The following PTPRT variants were observed in gnomAD, a reference collection of about 807,000 sequenced individuals.
PTPRT encodes receptor-type tyrosine-protein phosphatase T.
Under a neutral mutation model 176.8 loss-of-function variants are expected in PTPRT, and 56 were observed. The ratio of observed to expected loss-of-function variants is 0.32; its 90% CI spans 0.26 to 0.40. The LOEUF (loss-of-function observed/expected upper bound fraction) is 0.40, where lower values mean the gene tolerates loss of function less well. Ranked by LOEUF, PTPRT falls within the 10% of genes least tolerant of loss-of-function variation. The pLI is 1.00. For missense variants in PTPRT, 1,540 were observed against 1,908.2 expected (o/e 0.81, Z 3.60); for synonymous variants, 783 against 739.0 (o/e 1.06, Z -0.96).
At chr20:42,563,217 G>A (rs1002179474) in intron 7 of PTPRT, among the ~76,000 whole-genome samples, 1 of 151,952 alleles carries the variant, frequency 6.6e-6, no homozygotes, top group Non-Finnish European at 1.5e-5. Flanking sequence ...GATGTGTAAA[G>A]CTCCCCAAAG....
intron 18 of PTPRT, among the ~76,000 whole-genome samples, chr20:42,134,656 T>A (rs2146386348): frequency 6.6e-6 from 1 of 152,216 alleles, no homozygotes; most frequent in Non-Finnish European, 1.5e-5. Context: ...CAGCTCCCTG[T>A]GGGAAAAAAG....
intron 1 of PTPRT, among the ~76,000 whole-genome samples, chr20:43,004,775 AT>A (rs1984767861): frequency 2.0e-5 from 3 of 152,226 alleles, no homozygotes; most frequent in South Asian, 4.1e-4. Context: ...TATATTAGGT[AT>A]GTATTATTTG....
At chr20:42,356,731 G>T (rs1338722224) in intron 9 of PTPRT, among the ~76,000 whole-genome samples, 1 of 152,072 alleles carries the variant, frequency 6.6e-6, no homozygotes, top group African/African-American at 2.4e-5. Context: ...CAATCATGTC[G>T]TAAGAGCAAT....
intron 3 of PTPRT, 118 bp downstream of exon 3, chr20:42,791,077 C>A: frequency 2.3e-6 from 3 of 1,288,538 alleles, no homozygotes; most frequent in Non-Finnish European, 3.2e-6. Flanking sequence ...GGAGGAGAAG[C>A]ACAGTAAACA....
At chr20:43,078,807 A>G (rs188282527) in intron 1 of PTPRT, among the ~76,000 whole-genome samples, 28 of 152,322 alleles carry the variant, frequency 1.8e-4, no homozygotes, top group African/African-American at 6.5e-4. Context: ...CCATTTCCCA[A>G]TAAAGTTTGA....
intron 1 of PTPRT, among the ~76,000 whole-genome samples, chr20:42,929,813 C>T (rs187961064): frequency 5.3e-5 from 8 of 152,360 alleles, no homozygotes; most frequent in Admixed American, 2.6e-4. Context: ...TCAGACAAAG[C>T]AACTCAAGAA....
At chr20:42,093,452 G>A (rs372095318) in intron 27 of PTPRT, among the ~76,000 whole-genome samples, 1 of 94,194 alleles carries the variant, frequency 1.1e-5, no homozygotes, top group Admixed American at 1.1e-4. Context: ...CCTTTGAACA[G>A]CAACCACTGC....
At chr20:42,047,154 C>T in the PTPRT span, among the ~76,000 whole-genome samples, 4 of 152,186 alleles carry the variant, frequency 2.6e-5, no homozygotes, top group East Asian at 3.9e-4. Flanking sequence ...GCCTTAAACA[C>T]GTAATGTCAA....
At chr20:43,011,655 T>A (rs1985132202) in intron 1 of PTPRT, among the ~76,000 whole-genome samples, 1 of 152,184 alleles carries the variant, frequency 6.6e-6, no homozygotes, top group Non-Finnish European at 1.5e-5. Flanking sequence ...AAAATTGGAA[T>A]CAACCCAAAT....
At chr20:43,142,262 G>A (rs532859818) in intron 1 of PTPRT, among the ~76,000 whole-genome samples, 1 of 152,330 alleles carries the variant, frequency 6.6e-6, no homozygotes, top group East Asian at 1.9e-4. Flanking sequence ...GTGAGCAGGA[G>A]GCTCCAAGGA....
chr20:42,098,096 A>G (rs928600181), intron 27 of PTPRT, among the ~76,000 whole-genome samples: 1 of 152,044 alleles, frequency 6.6e-6, no homozygotes, highest in Admixed American at 6.6e-5. Context: ...GTGCTGGGGG[A>G]GGAAGCCTCC....
At chr20:42,717,162 T>G (rs918368119) in intron 6 of PTPRT, among the ~76,000 whole-genome samples, 11 of 145,152 alleles carry the variant, frequency 7.6e-5, no homozygotes, top group African/African-American at 2.6e-4. Context: ...GTTGTGCACA[T>G]GTACCCTAAA....
intron 1 of PTPRT, among the ~76,000 whole-genome samples, chr20:43,097,743 G>A (rs2012225795): frequency 6.6e-6 from 1 of 152,106 alleles, no homozygotes; most frequent in East Asian, 1.9e-4. Context: ...CTTGGAAGAG[G>A]GAGACACCTA....
chr20:42,602,013 C>T (rs2073791563), intron 7 of PTPRT, among the ~76,000 whole-genome samples: 1 of 152,148 alleles, frequency 6.6e-6, no homozygotes, highest in Non-Finnish European at 1.5e-5. Context: ...AATGAAACCA[C>T]ACATTCCTTG....
chr20:42,037,964 A>G, the PTPRT span, among the ~76,000 whole-genome samples: 1 of 152,170 alleles, frequency 6.6e-6, no homozygotes. Context: ...GGTAACATTT[A>G]TGGAGCACTC....
At chr20:43,002,922 T>C (rs1984654943) in intron 1 of PTPRT, among the ~76,000 whole-genome samples, 1 of 151,182 alleles carries the variant, frequency 6.6e-6, no homozygotes, top group Non-Finnish European at 1.5e-5. Flanking sequence ...ATCTAAAATC[T>C]GGTTCTTTGA....
chr20:43,036,239 GGTGTCTCACT>G (rs1986374928), intron 1 of PTPRT, among the ~76,000 whole-genome samples: 1 of 152,114 alleles, frequency 6.6e-6, no homozygotes, highest in South Asian at 2.1e-4. Context: ...TGTGTATCCT[GGTGTCTCACT>G]GTGTATCACT....
chr20:42,166,977 C>A (rs1461639650), intron 16 of PTPRT, among the ~76,000 whole-genome samples: 2 of 151,868 alleles, frequency 1.3e-5, no homozygotes, highest in African/African-American at 4.8e-5. Flanking sequence ...TCAATCTGCA[C>A]CCTGAGAAAT....
At chr20:42,656,018 G>A (rs1438778463) in intron 7 of PTPRT, among the ~76,000 whole-genome samples, 1 of 152,170 alleles carries the variant, frequency 6.6e-6, no homozygotes, top group African/African-American at 2.4e-5. Context: ...AATCAGAGAT[G>A]AGAAACAGTG....
Sources: allele counts gnomAD v4.1 joint callset (sites outside exome capture counted in the v4.1 genomes callset), GRCh38; gene constraint gnomAD v4.1.1; transcripts MANE v1.5; gene names NCBI Gene and HGNC (gene_info 2026-07-23, HGNC 2026-07-21).